Variants in PIEZO2 observed in about 807,000 individuals in gnomAD.
The protein encoded by PIEZO2 is piezo type mechanosensitive ion channel component 2.
PIEZO2 carries 172 observed loss-of-function variants against 337.3 expected under a neutral mutation model. The ratio of observed to expected loss-of-function variants is 0.51; its 90% CI spans 0.45 to 0.58. PIEZO2 has a LOEUF of 0.58. Among genes scored for constraint, PIEZO2 ranks in the 20% least tolerant of loss-of-function variants. The pLI is 0.00. For synonymous variants in PIEZO2, 1,251 were observed against 1,228.5 expected, an observed-to-expected ratio of 1.02 and a Z score of -0.38; for missense variants, 3,028 against 3,391.3, an observed-to-expected ratio of 0.89 and a Z score of 2.66.
At chr18:10,885,049 T>C (rs755769476) in intron 4 of PIEZO2, among the ~76,000 whole-genome samples, 1 of 152,048 alleles carries the variant, frequency 6.6e-6, no homozygotes, top group African/African-American at 2.4e-5. Flanking sequence ...CTGTGTATCT[T>C]AGGAGAGGCT....
intron 3 of PIEZO2, among the ~76,000 whole-genome samples, chr18:10,920,480 G>T (rs1441790836): frequency 1.3e-5 from 2 of 152,140 alleles, no homozygotes; most frequent in African/African-American, 4.8e-5. Flanking sequence ...TTTAAATGTA[G>T]TGGGTAGTAT....
At chr18:11,136,565 C>A (rs73943212) in intron 1 of PIEZO2, among the ~76,000 whole-genome samples, 3 of 152,216 alleles carry the variant, frequency 2.0e-5, no homozygotes, top group Non-Finnish European at 4.4e-5. Context: ...AAGGCCAACA[C>A]GAGTCAGGAT....
At chr18:10,951,909 A>T (rs2033313290) in intron 3 of PIEZO2, among the ~76,000 whole-genome samples, 1 of 152,250 alleles carries the variant, frequency 6.6e-6, no homozygotes, top group South Asian at 2.1e-4. Context: ...ATTATGAGAT[A>T]TGAAACAGGA....
In PIEZO2 at chr18:10,680,201, C is replaced by T. The variant is rs2034201819; in HGVS notation, c.7950G>A (p.Gln2650=). The T allele has an allele frequency of 5.6e-6, 9 of 1,610,548 alleles. No individual in the cohort carries two copies. Among genetic ancestry groups the T allele is most frequent in the Non-Finnish European group, 7.6e-6 (9 of 1,177,378 alleles). ...SFSVVFSWSI[Q]RNLSLGAKSE... Reference sequence around the variant, plus strand: ...ATACATGGAAATACAGTAACTACCTCTGAATACTCCATGAAAAAACAACAG... The same window carrying T: ...ATACATGGAAATACAGTAACTACCTTTGAATACTCCATGAAAAAACAACAG... Residue 2650 remains glutamine, a splice_region_variant and synonymous_variant, in exon 52 of 56, where the codon CAG becomes CAA. Coordinates refer to ENST00000674853, the MANE Select transcript of PIEZO2 (RefSeq NM_001378183.1).
intron 14 of PIEZO2, among the ~76,000 whole-genome samples, chr18:10,789,809 A>G (rs1202988782): frequency 6.6e-6 from 1 of 152,246 alleles, no homozygotes; most frequent in East Asian, 1.9e-4. Context: ...TTAAATAACT[A>G]AAAATTTAAG....
Position 10,781,987 on chromosome 18 carries a change from T to G in PIEZO2, c.2493-1621A>C, listed in dbSNP as rs889469172. On this transcript the variant is annotated intron_variant, in intron 17 of 55. Transcript: ENST00000674853. The surrounding 1 kb of genome is among the most constrained non-coding windows in gnomAD (Gnocchi z 4.1). ...CATTTTGATTTTAATGTAGCCATTG[T>G]ATTAGGACTCCAAGGACAAAAAATA... Among the ~76,000 whole-genome samples the G allele has an allele frequency of 1.3e-5, 2 of 151,602 alleles. No homozygotes were observed. The highest frequency in any genetic ancestry group is 4.8e-5 in the African/African-American group (2 of 41,252).
At chr18:10,844,157 G>A (rs942572760) in intron 7 of PIEZO2, among the ~76,000 whole-genome samples, 22 of 152,160 alleles carry the variant, frequency 1.4e-4, no homozygotes, top group East Asian at 1.2e-3. Flanking sequence ...AGTGGCTCAC[G>A]CTTGTAATCC....
rs959592983 is a variant in PIEZO2 at position 10,794,699 on chromosome 18, C to A, written c.1758+73G>T. The A allele has an allele frequency of 8.6e-7, 1 of 1,162,758 alleles. No homozygotes were observed. Among genetic ancestry groups the A allele is most frequent in the African/African-American group, 1.6e-5 (1 of 63,968 alleles). 72.0% of individuals were successfully genotyped at this position (1,162,758 alleles called of 1,614,324 possible). A position where few individuals can be genotyped will look rare whatever the true frequency, so the allele number is the denominator to read the frequency against. ...TTTGGAACCTGTTTTTATAAGGTTT[C>A]TCTTGGATACGATTATGATGATGAT... is the stretch of plus-strand genomic sequence containing the variant. On this transcript the variant is annotated intron_variant, in intron 13 of 55. Coordinates refer to ENST00000674853, the MANE Select transcript of PIEZO2 (RefSeq NM_001378183.1). The surrounding 1 kb of genome is among the most constrained non-coding windows in gnomAD (Gnocchi z 6.6).
At chr18:10,711,048 G>C (rs2035800561) in intron 39 of PIEZO2, among the ~76,000 whole-genome samples, 1 of 152,126 alleles carries the variant, frequency 6.6e-6, no homozygotes, top group South Asian at 2.1e-4. Context: ...TTAAAACTGG[G>C]GGGATATTTT....
At chr18:10,807,459 A>G (rs2040037070) in intron 7 of PIEZO2, among the ~76,000 whole-genome samples, 185 bp from the exon 8 acceptor site, 1 of 152,238 alleles carries the variant, frequency 6.6e-6, no homozygotes, top group South Asian at 2.1e-4. Flanking sequence ...GTGGACATGT[A>G]TGTATAATAT....
intron 13 of PIEZO2, among the ~76,000 whole-genome samples, chr18:10,793,623 A>G (rs987051056): frequency 6.6e-6 from 1 of 152,170 alleles, no homozygotes; most frequent in Non-Finnish European, 1.5e-5. Context: ...TAAGTTACCA[A>G]TTGTGTGTGA....
Position 11,148,828 on chromosome 18 carries a change from C to A in PIEZO2, c.-240G>T. ...CACCAGGCTCTTGGCGGCCACCTAG[C>A]CCGGCGCCCGGCCCCCTGCGGCCGG... On this transcript the variant is annotated 5_prime_UTR_variant, in exon 1 of 56. Coordinates refer to ENST00000674853, the MANE Select transcript of PIEZO2 (RefSeq NM_001378183.1). The surrounding 1 kb of genome is among the most constrained non-coding windows in gnomAD (Gnocchi z 5.2). The A allele has an allele frequency of 2.3e-6, 1 of 441,060 alleles. No homozygotes were observed. Among genetic ancestry groups the A allele is most frequent in the South Asian group, 4.8e-5 (1 of 20,828 alleles). The allele number at this position is 441,060 out of a possible 1,614,324, so 27.3% of individuals were successfully genotyped here. A position where few individuals can be genotyped will look rare whatever the true frequency, so the allele number is the denominator to read the frequency against.
chr18:10,926,889 A>G (rs1248618761), intron 3 of PIEZO2, among the ~76,000 whole-genome samples: 4 of 152,206 alleles, frequency 2.6e-5, no homozygotes, highest in Admixed American at 2.0e-4. Context: ...GAATTAGTCC[A>G]TTTCCTGAGG....
chr18:10,839,767 A>G (rs989408423), intron 7 of PIEZO2, among the ~76,000 whole-genome samples: 1 of 133,140 alleles, frequency 7.5e-6, no homozygotes, highest in East Asian at 2.9e-4. Flanking sequence ...ATTATTGACC[A>G]AGGAGTATCA....
At chr18:10,841,013 G>A (rs1452426726) in intron 7 of PIEZO2, among the ~76,000 whole-genome samples, 4 of 152,178 alleles carry the variant, frequency 2.6e-5, no homozygotes, top group African/African-American at 9.7e-5. Context: ...TGCCAGCATC[G>A]TGATCTGAGA....
chr18:10,756,824 A>C (rs2037878890), intron 27 of PIEZO2, among the ~76,000 whole-genome samples: 1 of 148,156 alleles, frequency 6.7e-6, no homozygotes, highest in Admixed American at 6.7e-5. Context: ...AATGGGGATA[A>C]GGATGAGGAA....
intron 42 of PIEZO2, among the ~76,000 whole-genome samples, 188 bp from the exon 43 acceptor site, chr18:10,702,359 G>A (rs2035378699): frequency 6.6e-6 from 1 of 152,156 alleles, no homozygotes; most frequent in Non-Finnish European, 1.5e-5. Flanking sequence ...CATAACAGAA[G>A]CAGCATCTAA....
In PIEZO2 at chr18:11,149,527, G is replaced by T. The variant is rs2040900290; in HGVS notation, c.-939C>A. ...CGCCTTGCAGCCTCGCCCTCGCGGC[G>T]CAGCCGGGGCTCCCCGGCGGCGCGC... On this transcript the variant is annotated 5_prime_UTR_variant, in exon 1 of 56. Transcript: ENST00000674853. This position sits in a 1 kb window ranked among gnomAD's most constrained non-coding sequence, Gnocchi z 8.7. Among the ~76,000 whole-genome samples, 1 of 151,740 alleles carries T rather than the reference G, an allele frequency of 6.6e-6. No individual in the cohort carries two copies. The highest frequency in any genetic ancestry group is 6.6e-5 in the Admixed American group (1 of 15,266).
rs1017099100 is a variant in PIEZO2 at position 10,716,942 on chromosome 18, G to T, written c.5090-1126C>A. 6.6e-6 allele frequency among the ~76,000 whole-genome samples: 1 copy of T among 152,160 alleles called. No homozygotes were observed. The highest frequency in any genetic ancestry group is 2.4e-5 in the African/African-American group (1 of 41,422). ...AGGCTGCAGCCACCGCACTGGAGAC[G>T]TGAATCACAGGCGCTTTGTGAACCT... On this transcript the variant is annotated intron_variant, in intron 37 of 55. Transcript: ENST00000674853. This position sits in a 1 kb window ranked among gnomAD's most constrained non-coding sequence, Gnocchi z 4.1.
Sources: gnomAD v4.1 joint callset for allele counts (sites outside exome capture counted in the v4.1 genomes callset) on GRCh38, gnomAD v4.1.1 for gene constraint, Gnocchi (gnomAD v3.1) non-coding constraint, MANE v1.5 for transcripts, NCBI Gene and HGNC (gene_info 2026-07-23, HGNC 2026-07-21) for gene names.